Variants in CLTC observed in about 807,000 individuals in gnomAD.
CLTC encodes clathrin heavy chain 1.
A neutral mutation model predicts 195.8 loss-of-function variants in CLTC; 16 were observed. The ratio of observed to expected loss-of-function variants is 0.08; its 90% CI spans 0.06 to 0.12. The LOEUF (loss-of-function observed/expected upper bound fraction) is 0.12. CLTC is among the 10% of genes least tolerant of loss of function. The pLI is 1.00. For synonymous variants in CLTC, 667 were observed against 689.4 expected, an observed-to-expected ratio of 0.97 and a Z score of 0.51; for missense variants, 796 against 2,027.0, an observed-to-expected ratio of 0.39 and a Z score of 11.66.
At position 59,695,506 on chromosome 17, in the gene CLTC, A is replaced by G; in HGVS notation, c.*1654A>G. 1 of 176,898 alleles carries G rather than the reference A, an allele frequency of 5.7e-6. No individual in the cohort carries two copies. Among genetic ancestry groups the G allele is most frequent in the South Asian group, 2.0e-4 (1 of 5,038 alleles). 11.0% of individuals were successfully genotyped at this position (176,898 alleles called of 1,614,324 possible). A position where few individuals can be genotyped will look rare whatever the true frequency, so the allele number is the denominator to read the frequency against. On this transcript the variant is annotated 3_prime_UTR_variant, in exon 32 of 32. Coordinates refer to ENST00000269122, the MANE Select transcript of CLTC (RefSeq NM_004859.4). ...CCATCTCTACTAAAAATAAAAAATC[A>G]GCCAGGTGTGATGGTGGATGCCTAT...
Position 59,681,230 on chromosome 17 carries a change from T to C in CLTC, c.3066-65T>C, listed in dbSNP as rs2033075127. Reference sequence around the variant, plus strand: ...ACAAAAACCTCTCCGTTAGTCACAGTGGTTATTTTTTATGTCGGATAAACT... The same window carrying C: ...ACAAAAACCTCTCCGTTAGTCACAGCGGTTATTTTTTATGTCGGATAAACT... On this transcript the variant is annotated intron_variant, in intron 19 of 31. Transcript: ENST00000269122. The surrounding 1 kb of genome is among the most constrained non-coding windows in gnomAD (Gnocchi z 5.0). 6.6e-7 allele frequency: 1 copy of C among 1,518,684 alleles called. No individual in the cohort carries two copies. The highest frequency in any genetic ancestry group is 9.0e-7 in the Non-Finnish European group (1 of 1,117,226). The allele number at this position is 1,518,684 out of a possible 1,614,324, so 94.1% of individuals were successfully genotyped here. A position where few individuals can be genotyped will look rare whatever the true frequency, so the allele number is the denominator to read the frequency against.
chr17:59,624,350 A>G (rs757813220), intron 1 of CLTC, among the ~76,000 whole-genome samples: 11 of 152,054 alleles, frequency 7.2e-5, no homozygotes, highest in Admixed American at 2.6e-4. Context: ...AGTTCTCTCT[A>G]CTTGTTTATA....
rs1053451183 is a variant in CLTC at position 59,693,975 on chromosome 17, T to G, written c.*123T>G. The stretch of plus-strand genomic sequence containing the variant: ...TGTAACCTTTATTTCATGAAGGACT[T>G]CTTTTTGTTTCTAACTATAAACTTG... On this transcript the variant is annotated 3_prime_UTR_variant, in exon 32 of 32. Transcript: ENST00000269122. 1 of 1,001,884 alleles carries G rather than the reference T, an allele frequency of 1.0e-6. No homozygotes were observed. Among genetic ancestry groups the G allele is most frequent in the African/African-American group, 1.7e-5 (1 of 60,028 alleles). The allele number at this position is 1,001,884 out of a possible 1,614,324, so 62.1% of individuals were successfully genotyped here. A position where few individuals can be genotyped will look rare whatever the true frequency, so the allele number is the denominator to read the frequency against.
intron 30 of CLTC, among the ~76,000 whole-genome samples, chr17:59,688,675 C>G (rs1353964826): frequency 6.6e-6 from 1 of 152,152 alleles, no homozygotes; most frequent in Non-Finnish European, 1.5e-5. Context: ...TATGTGTATG[C>G]CAGGGCATTG....
intron 5 of CLTC, among the ~76,000 whole-genome samples, chr17:59,652,521 G>A (rs1003256798): frequency 6.6e-6 from 1 of 152,196 alleles, no homozygotes; most frequent in African/African-American, 2.4e-5. Context: ...TGTCTTCGCA[G>A]ACATGAAAGC....
chr17:59,679,681 C>T (rs752712011), intron 18 of CLTC, 162 bp downstream of exon 18: 1 of 422,792 alleles, frequency 2.4e-6, no homozygotes, highest in Non-Finnish European at 4.0e-6. Context: ...ATTCAATTTA[C>T]ATTCATTTGT....
chr17:59,682,677 T>C lies in CLTC; in HGVS notation c.3649T>C (p.Leu1217=). 6.2e-7 allele frequency: 1 copy of C among 1,614,196 alleles called. No individual in the cohort carries two copies. Among genetic ancestry groups the C allele is most frequent in the East Asian group, 2.2e-5 (1 of 44,888 alleles). Residue 1217 remains leucine, a synonymous_variant, in exon 23 of 32, where the codon TTG becomes CTG. Transcript: ENST00000269122. This position sits in a 1 kb window ranked among gnomAD's most constrained non-coding sequence, Gnocchi z 6.8. ...AAAAATGTATGATGCTGCTAAGTTG[T>C]TGTACAATAATGTTTCCAATTTTGG... ...DEKMYDAAKL[L]YNNVSNFGRL... is the part of the protein sequence containing the mutation.
At chr17:59,632,107 G>A (rs915251420) in intron 1 of CLTC, among the ~76,000 whole-genome samples, 5 of 152,234 alleles carry the variant, frequency 3.3e-5, no homozygotes, top group Middle Eastern at 3.4e-3. Flanking sequence ...GGTGGCTCAC[G>A]CCTGTAATCC....
chr17:59,628,318 CAA>C (rs1275726251), intron 1 of CLTC, among the ~76,000 whole-genome samples: 1 of 152,136 alleles, frequency 6.6e-6, no homozygotes, highest in Non-Finnish European at 1.5e-5. Flanking sequence ...TTTATTAAAA[CAA>C]TATTTCCTGG....
At chr17:59,651,703 T>C (rs1019102323) in intron 5 of CLTC, among the ~76,000 whole-genome samples, 3 of 152,248 alleles carry the variant, frequency 2.0e-5, no homozygotes, top group African/African-American at 4.8e-5. Context: ...TGTTAATGAT[T>C]ATTTGAGCCT....
intron 30 of CLTC, chr17:59,687,013 A>G: frequency 2.0e-6 from 2 of 988,926 alleles, no homozygotes; most frequent in Non-Finnish European, 2.4e-6. Flanking sequence ...TGATGCAATA[A>G]AGGAAAAGGT....
At chr17:59,676,788 A>G (rs2143580079) in intron 16 of CLTC, among the ~76,000 whole-genome samples, 166 bp from the exon 17 acceptor site, 1 of 152,286 alleles carries the variant, frequency 6.6e-6, no homozygotes, top group South Asian at 2.1e-4. Flanking sequence ...GTGGCTGTGA[A>G]TAGCCACTGC....
chr17:59,684,249 CA>C, intron 28 of CLTC: 1 of 324,664 alleles, frequency 3.1e-6, no homozygotes, highest in Non-Finnish European at 5.6e-6. Flanking sequence ...TAGGTAGAGT[CA>C]AAAATGTCTT....
At position 59,696,571 on chromosome 17, in the gene CLTC, G is replaced by T. The variant is rs920546475; in HGVS notation, c.*2719G>T. 1.4e-5 allele frequency: 3 copies of T among 212,840 alleles called. No homozygotes were observed. The highest frequency in any genetic ancestry group is 2.8e-5 in the Non-Finnish European group (3 of 105,394). 13.2% of individuals were successfully genotyped at this position (212,840 alleles called of 1,614,324 possible). ...ACTATCAGGAAGCTATGTGGCTTGG[G>T]GAGTTGGGACCCTCTGCCTCATATT... On this transcript the variant is annotated 3_prime_UTR_variant, in exon 32 of 32. Coordinates refer to ENST00000269122, the MANE Select transcript of CLTC (RefSeq NM_004859.4).
intron 2 of CLTC, chr17:59,645,970 G>C (rs2032183577): frequency 1.4e-6 from 1 of 738,984 alleles, no homozygotes. Flanking sequence ...TATTTTTAAT[G>C]TTATTGTTAT....
At chr17:59,684,197 GA>G in intron 28 of CLTC, 2 of 472,656 alleles carry the variant, frequency 4.2e-6, no homozygotes, top group Non-Finnish European at 3.8e-6. Context: ...TACTGCTTTT[GA>G]AAAAAATGAT....
intron 14 of CLTC, among the ~76,000 whole-genome samples, chr17:59,671,301 A>G (rs574248622): frequency 1.3e-5 from 2 of 152,300 alleles, no homozygotes; most frequent in South Asian, 4.1e-4. Flanking sequence ...CAGTGTTGAG[A>G]GTGAACTTAT....
In CLTC at chr17:59,673,731, A is replaced by G; in HGVS notation, c.2377A>G (p.Arg793Gly). The G allele has an allele frequency of 6.9e-7, 1 of 1,451,138 alleles. No individual in the cohort carries two copies. The highest frequency in any genetic ancestry group is 9.7e-7 in the Non-Finnish European group (1 of 1,031,896). The allele number at this position is 1,451,138 out of a possible 1,614,324, so 89.9% of individuals were successfully genotyped here. ...CCATGATTTGGTGCTCTATTTATAT[A>G]GAAATAATCTTCAAAAGTATATAGA... ...FVHDLVLYLYRNNLQKYIEIY... is the reference protein window; with the variant it reads ...FVHDLVLYLYGNNLQKYIEIY... Residue 793 changes from arginine (R) to glycine (G), a missense_variant, in exon 15 of 32, where the codon AGA (arginine) becomes GGA (glycine). Transcript: ENST00000269122.
chr17:59,665,036 G>A (rs2032696179), intron 10 of CLTC, 127 bp downstream of exon 10: 1 of 1,237,340 alleles, frequency 8.1e-7, no homozygotes, highest in South Asian at 1.5e-5. Context: ...ACCAGTCTGG[G>A]CAACATTGTG....
Sources: gnomAD v4.1 joint callset for allele counts (sites outside exome capture counted in the v4.1 genomes callset) on GRCh38, gnomAD v4.1.1 for gene constraint, Gnocchi (gnomAD v3.1) non-coding constraint, MANE v1.5 for transcripts, NCBI Gene and HGNC (gene_info 2026-07-23, HGNC 2026-07-21) for gene names.